ATP6V1C2: variants seen among roughly 807,000 people sequenced by gnomAD.
ATP6V1C2 encodes ATPase H+ transporting V1 subunit C2, also known as V-type proton ATPase subunit C 2.
A neutral mutation model predicts 56.8 loss-of-function variants in ATP6V1C2; 45 were observed. That is an observed-to-expected ratio of 0.79 (90% CI 0.62 to 1.02). The LOEUF is 1.02. ATP6V1C2 is among the 50% of genes least tolerant of loss of function. The pLI is 0.00. For synonymous variants in ATP6V1C2, 220 were observed against 201.3 expected (o/e 1.09, Z -0.79); for missense variants, 463 against 519.7 (o/e 0.89, Z 1.06).
intron 3 of ATP6V1C2, among the ~76,000 whole-genome samples, chr2:10,732,844 G>A (rs62128976): frequency 0.11 from 17,123 of 151,468 alleles, 2,026 homozygotes; most frequent in East Asian, 0.4. Context: ...GGTGGCAGGC[G>A]CCTGTAGTCC....
At chr2:10,733,362 G>A (rs747887696) in intron 3 of ATP6V1C2, among the ~76,000 whole-genome samples, 32 of 152,172 alleles carry the variant, frequency 2.1e-4, no homozygotes, top group Non-Finnish European at 4.0e-4. Flanking sequence ...TGCTAGCTGG[G>A]TCTGTAACCT....
chr2:10,757,418 A>G (rs200022022), intron 4 of ATP6V1C2: 32 of 396,666 alleles, frequency 8.1e-5, no homozygotes, highest in African/African-American at 5.8e-4. Context: ...CCACCTTATT[A>G]TATTGCAGGC....
At chr2:10,724,462 T>C (rs1661530524) in intron 2 of ATP6V1C2, among the ~76,000 whole-genome samples, 1 of 152,114 alleles carries the variant, frequency 6.6e-6, no homozygotes, top group Admixed American at 6.6e-5. Flanking sequence ...TTTTTAAGCC[T>C]GCCTCTGCTT....
chr2:10,765,045 C>G (rs1664144545), intron 5 of ATP6V1C2, among the ~76,000 whole-genome samples: 2 of 152,056 alleles, frequency 1.3e-5, no homozygotes, highest in Admixed American at 1.3e-4. Flanking sequence ...CCTGACACCT[C>G]TAGCCCCCAG....
chr2:10,728,816 T>G (rs571195752), intron 3 of ATP6V1C2, among the ~76,000 whole-genome samples: 14 of 140,900 alleles, frequency 9.9e-5, no homozygotes, highest in Admixed American at 8.0e-4. Context: ...TGTCGTGGAG[T>G]CTTAAAATTA....
chr2:10,736,369 A>T (rs891117960), intron 3 of ATP6V1C2, among the ~76,000 whole-genome samples: 12 of 152,132 alleles, frequency 7.9e-5, no homozygotes, highest in African/African-American at 2.7e-4. Flanking sequence ...TCTTTGGAGG[A>T]GGAGTAGATT....
intron 4 of ATP6V1C2, chr2:10,757,293 G>C (rs561959130): frequency 2.6e-6 from 1 of 381,322 alleles, no homozygotes; most frequent in Non-Finnish European, 4.6e-6. Flanking sequence ...GATTACAGGC[G>C]TGAGCCACCG....
chr2:10,750,246 A>G (rs1267822191), intron 3 of ATP6V1C2, among the ~76,000 whole-genome samples: 18 of 152,166 alleles, frequency 1.2e-4, no homozygotes, highest in Admixed American at 1.2e-3. Flanking sequence ...GGCACGTGTG[A>G]TGGCTCATGC....
chr2:10,723,886 C>T lies in ATP6V1C2; in HGVS notation c.129+908C>T, dbSNP rs940004605. Reference sequence around the variant, plus strand: ...GAGACATGTGCAATTTTTTTCCCCCCGAGTAGCTGGGATTACAGGCGTGTG... The same window carrying T: ...GAGACATGTGCAATTTTTTTCCCCCTGAGTAGCTGGGATTACAGGCGTGTG... On this transcript the variant is annotated intron_variant, in intron 2 of 13. Coordinates refer to ENST00000272238, the MANE Select transcript of ATP6V1C2 (RefSeq NM_001039362.2). 6.6e-5 allele frequency among the ~76,000 whole-genome samples: 10 copies of T among 150,896 alleles called. 1 individual carries two copies. Among genetic ancestry groups the T allele is most frequent in the Admixed American group, 4.6e-4 (7 of 15,164 alleles).
chr2:10,755,954 T>C (rs1449114397), intron 4 of ATP6V1C2, among the ~76,000 whole-genome samples: 1 of 152,212 alleles, frequency 6.6e-6, no homozygotes, highest in African/African-American at 2.4e-5. Flanking sequence ...CTTTAAAGTG[T>C]GCAAGGCAAA....
In ATP6V1C2 at chr2:10,783,225, T is replaced by A. The variant is rs1451805082; in HGVS notation, c.1246T>A (p.Tyr416Asn). 7 of 1,613,808 alleles carry A rather than the reference T, an allele frequency of 4.3e-6. No individual in the cohort carries two copies. Among genetic ancestry groups the A allele is most frequent in the Non-Finnish European group, 5.9e-6 (7 of 1,179,806 alleles). The change falls in exon 14 of 14, where the codon TAT (tyrosine) becomes AAT (asparagine). Residue 416 changes from tyrosine to asparagine, a missense_variant. Tyr to Asn is a moderately radical substitution (Grantham distance 143). Transcript: ENST00000272238. Reference sequence around the variant, plus strand: ...ACTCAATAACCAAGACTATTTTCCTTATGTCTACTTCCATATTGACCTTAG... The same window carrying A: ...ACTCAATAACCAAGACTATTTTCCTAATGTCTACTTCCATATTGACCTTAG... The part of the protein sequence containing the change: ...LQLNNQDYFP[Y>N]VYFHIDLSLL...
At chr2:10,782,213 T>G in intron 12 of ATP6V1C2, 30 bp from the exon 13 acceptor site, 1 of 1,612,380 alleles carries the variant, frequency 6.2e-7, no homozygotes, top group Non-Finnish European at 8.5e-7. Flanking sequence ...TTTGGAGCAG[T>G]GAACTGACAC....
intron 5 of ATP6V1C2, among the ~76,000 whole-genome samples, chr2:10,767,467 T>C (rs1173996140): frequency 2.6e-5 from 4 of 151,742 alleles, no homozygotes; most frequent in African/African-American, 9.7e-5. Context: ...TTTTATTATA[T>C]ATTTTTTTGA....
At chr2:10,747,524 C>T (rs968377965) in intron 3 of ATP6V1C2, among the ~76,000 whole-genome samples, 7 of 152,206 alleles carry the variant, frequency 4.6e-5, no homozygotes, top group South Asian at 2.1e-4. Context: ...TACTGGTACT[C>T]GGTCTACAGA....
intron 3 of ATP6V1C2, among the ~76,000 whole-genome samples, chr2:10,741,595 G>A (rs947158049): frequency 7.9e-5 from 12 of 152,142 alleles, no homozygotes; most frequent in African/African-American, 2.4e-4. Flanking sequence ...TATCCAGAGC[G>A]GGCATGCTAG....
intron 4 of ATP6V1C2, among the ~76,000 whole-genome samples, chr2:10,759,430 A>G (rs779879343): frequency 4.3e-4 from 65 of 152,098 alleles, no homozygotes; most frequent in Non-Finnish European, 7.4e-4. Flanking sequence ...ACAGTCCCTC[A>G]TGCTGCTGCC....
intron 6 of ATP6V1C2, 106 bp downstream of exon 6, chr2:10,768,916 A>G: frequency 1.2e-6 from 1 of 857,420 alleles, no homozygotes; most frequent in Non-Finnish European, 1.9e-6. Flanking sequence ...CCCATGCATG[A>G]GAGTGAGACA....
intron 3 of ATP6V1C2, among the ~76,000 whole-genome samples, chr2:10,743,263 T>G (rs1054873354): frequency 6.6e-6 from 1 of 151,640 alleles, no homozygotes; most frequent in African/African-American, 2.4e-5. Context: ...TAATATTTAT[T>G]TATATATATA....
chr2:10,773,646 G>A (rs2148503623), intron 8 of ATP6V1C2, among the ~76,000 whole-genome samples: 1 of 152,320 alleles, frequency 6.6e-6, no homozygotes, highest in South Asian at 2.1e-4. Context: ...GCCTCCCAAA[G>A]TGCTAGGATT....
Sources: gnomAD v4.1 joint callset for allele counts (sites outside exome capture counted in the v4.1 genomes callset) on GRCh38, gnomAD v4.1.1 for gene constraint, MANE v1.5 for transcripts, NCBI Gene and HGNC (gene_info 2026-07-23, HGNC 2026-07-21) for gene names.